The following STKLD1 variants were observed in gnomAD, a reference collection of about 807,000 sequenced individuals.
STKLD1 encodes serine/threonine kinase-like domain-containing protein STKLD1.
Under a neutral mutation model 80.4 loss-of-function variants are expected in STKLD1, and 79 were observed. The ratio of observed to expected loss-of-function variants is 0.98; its 90% confidence interval spans 0.82 to 1.19. The LOEUF (loss-of-function observed/expected upper bound fraction) is 1.19. Ranked by LOEUF, STKLD1 falls within the 50% of genes most tolerant of loss-of-function variation. The pLI, the probability that STKLD1 is intolerant of heterozygous loss-of-function variation, is 0.00. For synonymous variants in STKLD1, 393 were observed against 357.6 expected, an observed-to-expected ratio of 1.10 and a Z score of -1.12; for missense variants, 841 against 856.0, an observed-to-expected ratio of 0.98 and a Z score of 0.22.
intron 5 of STKLD1, 46 bp downstream of exon 5, chr9:133,387,594 G>A (rs2130280159): frequency 1.3e-6 from 2 of 1,491,610 alleles, no homozygotes; most frequent in Admixed American, 3.4e-5. Context: ...CTAGACCTGT[G>A]ACACAGGCCC....
chr9:133,379,871 A>G (rs1013238929), intron 2 of STKLD1, among the ~76,000 whole-genome samples: 1 of 152,222 alleles, frequency 6.6e-6, no homozygotes, highest in Admixed American at 6.5e-5. Context: ...AGCAGCTGCT[A>G]CTGGGCCAGG....
At chr9:133,382,975 GTGA>G (rs1340361698) in intron 2 of STKLD1, among the ~76,000 whole-genome samples, 52 of 148,284 alleles carry the variant, frequency 3.5e-4, no homozygotes, top group Non-Finnish European at 2.7e-4. Context: ...TGGTGATGGT[GTGA>G]TGATGATGGT....
intron 1 of STKLD1, among the ~76,000 whole-genome samples, chr9:133,378,402 C>T (rs888001010): frequency 6.6e-6 from 1 of 152,126 alleles, no homozygotes; most frequent in African/African-American, 2.4e-5. Context: ...GCACAGAGTT[C>T]TGGCTTGGTG....
At position 133,390,402 on chromosome 9, in the gene STKLD1, C is replaced by T. The variant is rs115716452; in HGVS notation, c.468-279C>T. On this transcript the variant is annotated intron_variant, in intron 6 of 17. Coordinates refer to ENST00000371957, the MANE Select transcript of STKLD1 (RefSeq NM_153710.5). This position sits in a 1 kb window ranked among gnomAD's most constrained non-coding sequence, Gnocchi z 5.1. ...GAATGTGTCAATTAAGGGGCCTCTT[C>T]GGAGTGCTGGGTGTGTTCCTACTTG... Among the ~76,000 whole-genome samples, 2,171 of 152,296 alleles carry T rather than the reference C, an allele frequency of 0.014. 63 individuals are homozygous for T. Among genetic ancestry groups the T allele is most frequent in the African/African-American group, 0.047 (1,948 of 41,562 alleles).
chr9:133,388,730 A>G (rs1280946044), intron 5 of STKLD1: 2 of 985,188 alleles, frequency 2.0e-6, no homozygotes, highest in African/African-American at 3.5e-5. Context: ...TCACATTTAG[A>G]TCTTTCATCT....
chr9:133,389,748 C>A lies in STKLD1; in HGVS notation c.467+152C>A. On this transcript the variant is annotated intron_variant, in intron 6 of 17. Transcript: ENST00000371957. This position sits in a 1 kb window ranked among gnomAD's most constrained non-coding sequence, Gnocchi z 6.4. ...GGATAGGATGGGACCTTACAGAGCT[C>A]CTCCCGGGCTTGAAAGAGGCTCTTC... 7.6e-7 allele frequency: 1 copy of A among 1,322,360 alleles called. No individual in the cohort carries two copies. Among genetic ancestry groups the A allele is most frequent in the Non-Finnish European group, 1.0e-6 (1 of 991,156 alleles). 81.9% of individuals were successfully genotyped at this position (1,322,360 alleles called of 1,614,324 possible). A position where few individuals can be genotyped will look rare whatever the true frequency, so the allele number is the denominator to read the frequency against.
chr9:133,376,452 C>G lies in STKLD1; in HGVS notation c.-22C>G, dbSNP rs1163734858. The stretch of plus-strand genomic sequence containing the variant: ...GGTGGGGCCAGGGGTGGACGCTCGC[C>G]CGTACGCGGTCGCTACTGATCATGC... On this transcript the variant is annotated 5_prime_UTR_variant, in exon 1 of 18. Transcript: ENST00000371957. 1 of 1,562,058 alleles carries G rather than the reference C, an allele frequency of 6.4e-7. No individual in the cohort carries two copies. The highest frequency in any genetic ancestry group is 2.4e-5 in the East Asian group (1 of 41,288).
chr9:133,403,093 G>A lies in STKLD1; in HGVS notation c.1474+81G>A, dbSNP rs1838753175. The A allele has an allele frequency of 3.0e-5, 42 of 1,418,146 alleles. 2 individuals carry two copies. The South Asian group carries it at 4.7e-4, about 16-fold the overall frequency. The allele number at this position is 1,418,146 out of a possible 1,614,324, so 87.8% of individuals were successfully genotyped here. The stretch of plus-strand genomic sequence containing the variant: ...TCCCTAACTGCCCCTGAGAGCCTTC[G>A]AGGACCTCCATGTCCTGTCCCTAAA... On this transcript the variant is annotated intron_variant, in intron 14 of 17. Transcript: ENST00000371957.
chr9:133,395,985 C>G lies in STKLD1; in HGVS notation c.866+222C>G, dbSNP rs992674385. On this transcript the variant is annotated intron_variant, in intron 9 of 17. Coordinates refer to ENST00000371957, the MANE Select transcript of STKLD1 (RefSeq NM_153710.5). ...ACGGTGGAGTGAGCAGACTGACCCC[C>G]AGGAGGCACAGGAGGCGTAGCCCCC... is the stretch of plus-strand genomic sequence containing the variant. The G allele has an allele frequency of 2.8e-5, 12 of 431,982 alleles. No individual in the cohort carries two copies. In the East Asian group the frequency reaches 3.9e-4, roughly 14 times the overall value. 26.8% of individuals were successfully genotyped at this position (431,982 alleles called of 1,614,324 possible).
chr9:133,399,284 A>G (rs1429088855), intron 11 of STKLD1, among the ~76,000 whole-genome samples: 1 of 152,172 alleles, frequency 6.6e-6, no homozygotes. Flanking sequence ...CTGTCTATCC[A>G]TCAGACCTGG....
chr9:133,386,211 G>C (rs2130277105), intron 4 of STKLD1, among the ~76,000 whole-genome samples: 5 of 152,304 alleles, frequency 3.3e-5, no homozygotes, highest in African/African-American at 1.2e-4. Flanking sequence ...GAGCCACCAC[G>C]CCTGACCAGG....
In STKLD1 at chr9:133,389,055, G is replaced by A. The variant is rs964316317; in HGVS notation, c.397-471G>A. 6 of 985,218 alleles carry A rather than the reference G, an allele frequency of 6.1e-6. No individual in the cohort carries two copies. Among genetic ancestry groups the A allele is most frequent in the Admixed American group, 1.2e-4 (2 of 16,266 alleles). 61.0% of individuals were successfully genotyped at this position (985,218 alleles called of 1,614,324 possible). A position where few individuals can be genotyped will look rare whatever the true frequency, so the allele number is the denominator to read the frequency against. On this transcript the variant is annotated intron_variant, in intron 5 of 17. Transcript: ENST00000371957. The surrounding 1 kb of genome is among the most constrained non-coding windows in gnomAD (Gnocchi z 6.4). The stretch of plus-strand genomic sequence containing the variant: ...AGGAGCCCAGCTTTAGAATCACCGC[G>A]CTGGGTACTCGATGGAGCTTGTCTC...
In STKLD1 at chr9:133,405,670, G is replaced by T. The variant is rs587690860; in HGVS notation, c.*249G>T. ...CTCCTTCCAGGAACTGGTTTCTTGC[G>T]CGGAAAAAGTGCTCTTGAGGCTGGA... On this transcript the variant is annotated 3_prime_UTR_variant, in exon 18 of 18. Coordinates refer to ENST00000371957, the MANE Select transcript of STKLD1 (RefSeq NM_153710.5). 2 of 384,740 alleles carry T rather than the reference G, an allele frequency of 5.2e-6. No individual in the cohort carries two copies. The highest frequency in any genetic ancestry group is 4.6e-5 in the Admixed American group (1 of 21,734). The allele number at this position is 384,740 out of a possible 1,614,324, so 23.8% of individuals were successfully genotyped here.
At chr9:133,380,723 AAG>A (rs1185308342) in intron 2 of STKLD1, among the ~76,000 whole-genome samples, 1 of 152,150 alleles carries the variant, frequency 6.6e-6, no homozygotes, top group East Asian at 1.9e-4. Context: ...AAATTGGGGA[AAG>A]AGAGTGTAGG....
In STKLD1 at chr9:133,383,876, T is replaced by A; in HGVS notation, c.195T>A (p.His65Gln). ...TGCAGGTGGAATGCATGGATGACCATTACGCCAGTCAGGCCCTGGAGGAGG... is the reference window on the plus strand; with the variant it reads ...TGCAGGTGGAATGCATGGATGACCAATACGCCAGTCAGGCCCTGGAGGAGG... ...VIKQVECMDD[H>Q]YASQALEELM... Residue 65 changes from histidine (H) to glutamine (Q), a missense_variant, in exon 3 of 18, where the codon CAT (histidine) becomes CAA (glutamine). Physicochemically the swap from His to Gln is conservative, Grantham distance 24. Transcript: ENST00000371957. The A allele has an allele frequency of 6.2e-7, 1 of 1,614,024 alleles. No homozygotes were observed. Among genetic ancestry groups the A allele is most frequent in the Non-Finnish European group, 8.5e-7 (1 of 1,179,976 alleles).
chr9:133,388,743 C>A (rs1341515694), intron 5 of STKLD1: 1 of 985,074 alleles, frequency 1.0e-6, no homozygotes, highest in Non-Finnish European at 1.2e-6. Context: ...TTTCATCTAC[C>A]CCAGATGAAT....
rs1414422578 is a variant in STKLD1 at position 133,389,660 on chromosome 9, A to G, written c.467+64A>G. ...CTTCGGGAGAAAAGGCACTGAGGCC[A>G]CTCGGGTGCCAGTGCCCGTGGGCAG... is the stretch of plus-strand genomic sequence containing the variant. On this transcript the variant is annotated intron_variant, in intron 6 of 17. Coordinates refer to ENST00000371957, the MANE Select transcript of STKLD1 (RefSeq NM_153710.5). This position sits in a 1 kb window ranked among gnomAD's most constrained non-coding sequence, Gnocchi z 6.4. 4.4e-6 allele frequency: 7 copies of G among 1,601,526 alleles called. No homozygotes were observed. The Admixed American group carries it at 6.8e-5, about 16-fold the overall frequency.
chr9:133,400,643 C>T (rs587655330), intron 12 of STKLD1, 114 bp downstream of exon 12: 32 of 817,480 alleles, frequency 3.9e-5, no homozygotes, highest in Admixed American at 5.3e-5. Flanking sequence ...AAGCCATGCC[C>T]TGCTCCCTGC....
chr9:133,394,329 A>T lies in STKLD1; in HGVS notation c.622A>T (p.Asn208Tyr). ...GTCCTGGATGGCCCCTGAAGCCCTC[A>T]ACTTCTCCTTCAGCCAGAAATCAGA... ...RKSWMAPEAL[N>Y]FSFSQKSDIW... The change falls in exon 8 of 18, where the codon AAC becomes TAC. Residue 208 changes from asparagine to tyrosine, a missense_variant. Asn to Tyr is a moderately radical substitution (Grantham distance 143, BLOSUM62 -2). Coordinates refer to ENST00000371957, the MANE Select transcript of STKLD1 (RefSeq NM_153710.5). The surrounding 1 kb of genome is among the most constrained non-coding windows in gnomAD (Gnocchi z 4.9). 1 of 1,613,792 alleles carries T rather than the reference A, an allele frequency of 6.2e-7. No individual in the cohort carries two copies. The highest frequency in any genetic ancestry group is 8.5e-7 in the Non-Finnish European group (1 of 1,179,888).
Sources: gnomAD v4.1 joint callset for allele counts (sites outside exome capture counted in the v4.1 genomes callset) on GRCh38, gnomAD v4.1.1 for gene constraint, Gnocchi (gnomAD v3.1) non-coding constraint, MANE v1.5 for transcripts, NCBI Gene and HGNC (gene_info 2026-07-23, HGNC 2026-07-21) for gene names.